DGKZ: variants seen among roughly 807,000 people sequenced by gnomAD.
The protein encoded by DGKZ is DAG kinase zeta.
DGKZ carries 45 observed loss-of-function variants against 142.5 expected under a neutral mutation model. The ratio of observed to expected loss-of-function variants is 0.32; its 90% CI spans 0.25 to 0.40. DGKZ has a LOEUF of 0.40. DGKZ is among the 10% of genes least tolerant of loss of function. The pLI, the probability that DGKZ is intolerant of heterozygous loss-of-function variation, is 1.00. For synonymous variants in DGKZ, 442 were observed against 527.0 expected (o/e 0.84, Z 2.21); for missense variants, 755 against 1,306.5 (o/e 0.58, Z 6.51).
At chr11:46,354,082 C>T (rs1941722264) in intron 1 of DGKZ, among the ~76,000 whole-genome samples, 1 of 152,232 alleles carries the variant, frequency 6.6e-6, no homozygotes, top group Admixed American at 6.5e-5. Flanking sequence ...AAGGCATCCC[C>T]TTGGGGGAGA....
chr11:46,374,863 G>T (rs539702362), intron 18 of DGKZ, 24 bp downstream of exon 18: 2 of 1,582,648 alleles, frequency 1.3e-6, no homozygotes, highest in Non-Finnish European at 1.7e-6. Flanking sequence ...TACCGGAGCT[G>T]GGGGGAGCCC....
chr11:46,350,707 A>G (rs2136403768), intron 1 of DGKZ, among the ~76,000 whole-genome samples: 1 of 152,162 alleles, frequency 6.6e-6, no homozygotes, highest in Non-Finnish European at 1.5e-5. Context: ...CATGGGCCAC[A>G]TGTTTGCCAT....
chr11:46,337,224 T>C (rs1940057172), intron 1 of DGKZ, among the ~76,000 whole-genome samples: 1 of 151,832 alleles, frequency 6.6e-6, no homozygotes, highest in Admixed American at 6.6e-5. Flanking sequence ...GGATTTGCAA[T>C]TCCAGAGTTA....
intron 1 of DGKZ, among the ~76,000 whole-genome samples, chr11:46,362,922 G>A (rs1359336708): frequency 6.6e-6 from 1 of 152,220 alleles, no homozygotes; most frequent in Non-Finnish European, 1.5e-5. Context: ...CCCTGTCCTT[G>A]TCAGGCCCCA....
chr11:46,378,083 G>A (rs1944761761), intron 25 of DGKZ, 115 bp from the exon 26 acceptor site: 2 of 1,315,188 alleles, frequency 1.5e-6, no homozygotes, highest in Admixed American at 2.0e-5. Flanking sequence ...TGCTTGGTGT[G>A]TAGCAGGCAC....
intron 1 of DGKZ, among the ~76,000 whole-genome samples, chr11:46,334,601 G>A (rs999071893): frequency 3.3e-5 from 5 of 152,152 alleles, no homozygotes; most frequent in African/African-American, 9.7e-5. Context: ...GAAGGGGAGG[G>A]GATTTTCCAA....
intron 1 of DGKZ, among the ~76,000 whole-genome samples, chr11:46,357,861 G>A (rs535101230): frequency 3.3e-5 from 5 of 152,262 alleles, no homozygotes; most frequent in Non-Finnish European, 7.3e-5. Flanking sequence ...CGGGGCAGAA[G>A]GTGTGCCAGG....
Position 46,333,376 on chromosome 11 carries a change from A to T in DGKZ, c.101A>T (p.Glu34Val). 15 of 1,389,242 alleles carry T rather than the reference A, an allele frequency of 1.1e-5. No individual in the cohort carries two copies. The highest frequency in any genetic ancestry group is 1.4e-5 in the Non-Finnish European group (15 of 1,078,912). The allele number at this position is 1,389,242 out of a possible 1,614,324, so 86.1% of individuals were successfully genotyped here. ...GTGCGGCGGCGATGCCGGCGCGGGG[A>T]GGAGGCCCAGGTCGCGCAGCCCTGG... Residue 34 changes from glutamate (E) to valine (V), a missense_variant, in exon 1 of 31, where the codon GAG (glutamate) becomes GTG (valine). Coordinates refer to the DGKZ transcript ENST00000343674.
At chr11:46,378,672 T>A in intron 27 of DGKZ, 172 bp downstream of exon 27, 1 of 954,140 alleles carries the variant, frequency 1.0e-6, no homozygotes, top group Non-Finnish European at 1.6e-6. Flanking sequence ...TATCTCTGTC[T>A]AGGCCACAAT....
At chr11:46,340,921 G>A (rs1396789101) in intron 1 of DGKZ, among the ~76,000 whole-genome samples, 1 of 152,228 alleles carries the variant, frequency 6.6e-6, no homozygotes, top group Non-Finnish European at 1.5e-5. Context: ...GGCCAGGGCG[G>A]GCCAATCACT....
Position 46,367,551 on chromosome 11 carries a change from G to T in DGKZ, c.271-101G>T. 8.0e-7 allele frequency: 1 copy of T among 1,251,232 alleles called. No homozygotes were observed. The highest frequency in any genetic ancestry group is 2.3e-5 in the Admixed American group (1 of 43,274). The allele number at this position is 1,251,232 out of a possible 1,614,324, so 77.5% of individuals were successfully genotyped here. On this transcript the variant is annotated intron_variant, in intron 2 of 30. Transcript: ENST00000527911. The surrounding 1 kb of genome is among the most constrained non-coding windows in gnomAD (Gnocchi z 4.1). ...GGAACAGAGCAGGGTCGATCGGGGCGCTGGAGTGGGTTTGTCTTGGGAGAG... is the reference window on the plus strand; with the variant it reads ...GGAACAGAGCAGGGTCGATCGGGGCTCTGGAGTGGGTTTGTCTTGGGAGAG...
chr11:46,365,351 G>T, intron 1 of DGKZ: 1 of 985,430 alleles, frequency 1.0e-6, no homozygotes, highest in Non-Finnish European at 1.2e-6. Context: ...TGGGGTATCC[G>T]TACTTTGTCC....
intron 20 of DGKZ, 70 bp from the exon 21 acceptor site, chr11:46,375,781 G>T: frequency 8.5e-6 from 13 of 1,530,250 alleles, no homozygotes; most frequent in Non-Finnish European, 1.1e-5. Flanking sequence ...CAAGTGGTTT[G>T]GTGCCAGGCC....
chr11:46,345,364 AC>A, upstream of DGKZ: 4 of 1,344,324 alleles, frequency 3.0e-6, no homozygotes, highest in Non-Finnish European at 1.9e-6. The surrounding 1 kb of genome is among the most constrained non-coding windows in gnomAD (Gnocchi z 4.1). Context: ...CCTCGACCCC[AC>A]CCCCGTCAGG....
chr11:46,376,601 T>G, intron 24 of DGKZ, 37 bp downstream of exon 24: 1 of 1,612,422 alleles, frequency 6.2e-7, no homozygotes, highest in Non-Finnish European at 8.5e-7. Context: ...CACAGCTGCT[T>G]CCGGGCCCCA....
intron 27 of DGKZ, 175 bp from the exon 28 acceptor site, chr11:46,378,816 A>G (rs1590652818): frequency 7.2e-6 from 8 of 1,112,222 alleles, no homozygotes; most frequent in South Asian, 5.8e-5. Context: ...GTGGGGTGAG[A>G]GGCCCCTCCT....
intron 4 of DGKZ, chr11:46,368,488 T>TG: frequency 2.9e-6 from 1 of 350,180 alleles, no homozygotes; most frequent in Non-Finnish European, 5.6e-6. Context: ...CATTTGCAGC[T>TG]GGGGGCATGT....
intron 1 of DGKZ, among the ~76,000 whole-genome samples, chr11:46,359,765 G>A (rs917218495): frequency 1.4e-4 from 20 of 146,804 alleles, no homozygotes; most frequent in African/African-American, 2.1e-4. Flanking sequence ...CATCATGCCC[G>A]GCTAATTTTT....
chr11:46,376,002 C>A, intron 21 of DGKZ, 51 bp downstream of exon 21: 4 of 1,611,714 alleles, frequency 2.5e-6, no homozygotes, highest in Non-Finnish European at 3.4e-6. Context: ...GCTGAAGCAG[C>A]CGGGGCCCCC....
Sources: gnomAD v4.1 joint callset for allele counts (sites outside exome capture counted in the v4.1 genomes callset) on GRCh38, gnomAD v4.1.1 for gene constraint, Gnocchi (gnomAD v3.1) non-coding constraint, MANE v1.5 for transcripts, NCBI Gene and HGNC (gene_info 2026-07-23, HGNC 2026-07-21) for gene names.